The following RSPO2 variants were observed in gnomAD, a reference collection of about 807,000 sequenced individuals.
The protein encoded by RSPO2 is R-spondin-2.
Under a neutral mutation model 30.9 loss-of-function variants are expected in RSPO2, and 14 were observed. The ratio of observed to expected loss-of-function variants is 0.45; its 90% CI spans 0.30 to 0.71. RSPO2 has a LOEUF of 0.71. RSPO2 is among the 30% of genes least tolerant of loss of function. The pLI is 0.08. For synonymous variants in RSPO2, 107 were observed against 96.4 expected (o/e 1.11, Z -0.64); for missense variants, 264 against 301.9 (o/e 0.87, Z 0.93).
intron 2 of RSPO2, among the ~76,000 whole-genome samples, chr8:108,044,914 A>G (rs1341558999): frequency 6.6e-6 from 1 of 152,170 alleles, no homozygotes; most frequent in Non-Finnish European, 1.5e-5. Context: ...CTTTCACCGT[A>G]TACAAAAGTT....
chr8:107,928,447 A>C (rs1812452295), intron 5 of RSPO2, among the ~76,000 whole-genome samples: 1 of 152,212 alleles, frequency 6.6e-6, no homozygotes, highest in Admixed American at 6.5e-5. Context: ...TTACACTGTA[A>C]AGACTTCTCC....
At chr8:107,942,979 T>C (rs1157801362) in intron 5 of RSPO2, among the ~76,000 whole-genome samples, 1 of 152,236 alleles carries the variant, frequency 6.6e-6, no homozygotes, top group Admixed American at 6.5e-5. Flanking sequence ...GGGCTTAAGA[T>C]GATTACAGTA....
At chr8:107,929,351 A>G (rs1219365962) in intron 5 of RSPO2, among the ~76,000 whole-genome samples, 1 of 152,220 alleles carries the variant, frequency 6.6e-6, no homozygotes, top group East Asian at 1.9e-4. Context: ...ATGGATGTTT[A>G]CCAAAAAGAA....
At position 107,942,789 on chromosome 8, in the gene RSPO2, A is replaced by G. The variant is rs1388782309; in HGVS notation, c.616+15291T>C. On this transcript the variant is annotated intron_variant, in intron 5 of 5. Transcript: ENST00000276659. ...AAAAGGAACAGATGCTAAAACATAAAAAAAAGGTTGTTTCATAGCTAGCTT... is the reference window on the plus strand; with the variant it reads ...AAAAGGAACAGATGCTAAAACATAAGAAAAAGGTTGTTTCATAGCTAGCTT... 2.0e-5 allele frequency among the ~76,000 whole-genome samples: 3 copies of G among 152,340 alleles called. No individual in the cohort carries two copies. In the East Asian group the frequency reaches 5.8e-4, roughly 29 times the overall value.
chr8:108,058,715 T>A (rs528216037), intron 2 of RSPO2, among the ~76,000 whole-genome samples: 1 of 151,950 alleles, frequency 6.6e-6, no homozygotes, highest in Non-Finnish European at 1.5e-5. Flanking sequence ...CTATCTGATC[T>A]TTCACAAACC....
At chr8:107,932,700 G>C (rs1165581198) in intron 5 of RSPO2, among the ~76,000 whole-genome samples, 3 of 152,074 alleles carry the variant, frequency 2.0e-5, no homozygotes, top group Admixed American at 6.6e-5. Flanking sequence ...CAGATGGGCA[G>C]AAAGGTGAGG....
chr8:107,928,032 A>G (rs1812440615), intron 5 of RSPO2, among the ~76,000 whole-genome samples: 1 of 152,192 alleles, frequency 6.6e-6, no homozygotes, highest in Admixed American at 6.6e-5. Context: ...GTAAAGACCT[A>G]GAGGGCTCAT....
At chr8:108,059,726 A>T (rs991108637) in intron 2 of RSPO2, among the ~76,000 whole-genome samples, 1 of 141,704 alleles carries the variant, frequency 7.1e-6, no homozygotes, top group Non-Finnish European at 1.5e-5. Flanking sequence ...ACTGGAAATC[A>T]TCATTCTCAG....
intron 5 of RSPO2, among the ~76,000 whole-genome samples, chr8:107,927,004 G>C (rs377612930): frequency 2.0e-5 from 3 of 152,014 alleles, no homozygotes; most frequent in African/African-American, 4.8e-5. Flanking sequence ...CCATTTTCAC[G>C]ATATTGATTC....
At chr8:108,001,960 G>T (rs4483126) in intron 2 of RSPO2, among the ~76,000 whole-genome samples, 2 of 152,000 alleles carry the variant, frequency 1.3e-5, no homozygotes, top group East Asian at 3.9e-4. Flanking sequence ...CCTAGAAGAC[G>T]GATTGATGGG....
chr8:108,037,881 T>C (rs1811646569), intron 2 of RSPO2, among the ~76,000 whole-genome samples: 1 of 152,192 alleles, frequency 6.6e-6, no homozygotes, highest in Non-Finnish European at 1.5e-5. Flanking sequence ...CTACTACTCA[T>C]TGACAATGCA....
rs1402051197 is a variant in RSPO2, at chr8:107,926,637, AT to A, written c.617-25448del. Among the ~76,000 whole-genome samples the A allele has an allele frequency of 2.0e-5, 3 of 151,878 alleles. No homozygotes were observed. The South Asian group carries it at 6.2e-4, about 31-fold the overall frequency. ...ATGGCTAGCCAGTTTTCCCATCACC[AT>A]TTATTAAATAGGGAATCCTTTCCCC... On this transcript the variant is annotated intron_variant, in intron 5 of 5. Transcript: ENST00000276659.
At chr8:107,951,613 C>T (rs1813251021) in intron 5 of RSPO2, among the ~76,000 whole-genome samples, 1 of 151,934 alleles carries the variant, frequency 6.6e-6, no homozygotes, top group South Asian at 2.1e-4. Flanking sequence ...TACAAGTACC[C>T]ATAAAAGAGA....
chr8:108,075,860 T>G (rs1046102422), intron 2 of RSPO2, among the ~76,000 whole-genome samples: 2 of 152,164 alleles, frequency 1.3e-5, no homozygotes, highest in African/African-American at 2.4e-5. Context: ...ATACAATGAC[T>G]TTTTGTTCCA....
At chr8:108,053,277 T>C (rs187616368) in intron 2 of RSPO2, among the ~76,000 whole-genome samples, 3 of 152,240 alleles carry the variant, frequency 2.0e-5, no homozygotes, top group Non-Finnish European at 4.4e-5. Context: ...GAAGTGTTCA[T>C]CTCCTCTGGC....
intron 5 of RSPO2, among the ~76,000 whole-genome samples, chr8:107,941,196 G>A (rs1352880006): frequency 2.0e-5 from 3 of 151,982 alleles, no homozygotes; most frequent in South Asian, 4.1e-4. Flanking sequence ...AGATTCATCT[G>A]GGGCTGTGAC....
At chr8:107,929,534 AAGAG>A (rs1319914747) in intron 5 of RSPO2, among the ~76,000 whole-genome samples, 1 of 151,972 alleles carries the variant, frequency 6.6e-6, no homozygotes. Flanking sequence ...CTTGGCTAAG[AAGAG>A]AGAGAGAGGG....
chr8:108,023,442 G>T (rs1304633924), intron 2 of RSPO2, among the ~76,000 whole-genome samples: 1 of 152,146 alleles, frequency 6.6e-6, no homozygotes, highest in Non-Finnish European at 1.5e-5. Context: ...AGTGCATGAG[G>T]ATCAGATAAA....
chr8:108,018,201 A>T (rs1197298967), intron 2 of RSPO2, among the ~76,000 whole-genome samples: 1 of 152,218 alleles, frequency 6.6e-6, no homozygotes, highest in African/African-American at 2.4e-5. Flanking sequence ...AATTCACCTC[A>T]TTCTAAGGTG....
Sources: gnomAD v4.1 joint callset for allele counts (sites outside exome capture counted in the v4.1 genomes callset) on GRCh38, gnomAD v4.1.1 for gene constraint, MANE v1.5 for transcripts, NCBI Gene and HGNC (gene_info 2026-07-23, HGNC 2026-07-21) for gene names.